Variants in CPS1 observed in about 807,000 individuals in gnomAD.
The protein encoded by CPS1 is carbamoyl-phosphate synthase [ammonia], mitochondrial.
Under a neutral mutation model 174.6 loss-of-function variants are expected in CPS1, and 109 were observed. That is an observed-to-expected ratio of 0.62 (90% CI 0.53 to 0.73). CPS1 has a LOEUF of 0.73. Ranked by LOEUF, CPS1 falls within the 30% of genes least tolerant of loss-of-function variation. CPS1 has a pLI of 0.00. For missense variants in CPS1, 1,689 were observed against 1,821.9 expected, an observed-to-expected ratio of 0.93 and a Z score of 1.33; for synonymous variants, 637 against 632.0, an observed-to-expected ratio of 1.01 and a Z score of -0.12.
intron 1 of CPS1, among the ~76,000 whole-genome samples, chr2:210,511,070 A>G (rs1695474272): frequency 6.6e-6 from 1 of 152,204 alleles, no homozygotes; most frequent in South Asian, 2.1e-4. Context: ...TGCTATAAAG[A>G]CACATGCACA....
At chr2:210,495,127 T>C (rs28391483) in intron 1 of CPS1, among the ~76,000 whole-genome samples, 26,119 of 152,188 alleles carry the variant, frequency 0.17, 2,478 homozygotes, top group Admixed American at 0.26. Context: ...GAAGCAGAAC[T>C]TAATTTTTTA....
At chr2:210,612,426 G>T in intron 20 of CPS1, 133 bp downstream of exon 20, 1 of 800,242 alleles carries the variant, frequency 1.2e-6, no homozygotes, top group East Asian at 2.7e-5. Context: ...TTCTTTTATA[G>T]TATTAAACTG....
chr2:210,561,593 G>A (rs984648075), intron 1 of CPS1, among the ~76,000 whole-genome samples: 10 of 152,166 alleles, frequency 6.6e-5, no homozygotes, highest in African/African-American at 2.4e-4. Context: ...GGGCATGCTA[G>A]AATTCACTTC....
chr2:210,528,022 C>T (rs1450311972), intron 1 of CPS1, among the ~76,000 whole-genome samples: 2 of 151,932 alleles, frequency 1.3e-5, no homozygotes, highest in Non-Finnish European at 2.9e-5. Context: ...GTATGAGGTT[C>T]GCAGTAACCG....
intron 19 of CPS1, 103 bp downstream of exon 19, chr2:210,608,662 T>A (rs1473998688): frequency 5.5e-6 from 6 of 1,081,430 alleles, no homozygotes; most frequent in Middle Eastern, 2.3e-4. Flanking sequence ...CATCAACACA[T>A]GGACAGTGTT....
At chr2:210,643,398 A>G (rs1700285530) in intron 25 of CPS1, among the ~76,000 whole-genome samples, 2 of 152,150 alleles carry the variant, frequency 1.3e-5, no homozygotes, top group Admixed American at 6.6e-5. Flanking sequence ...AGTTATTATT[A>G]CTTTTTACCA....
intron 25 of CPS1, 22 bp from the exon 26 acceptor site, chr2:210,647,841 A>G: frequency 6.2e-7 from 1 of 1,613,186 alleles, no homozygotes; most frequent in Non-Finnish European, 8.5e-7. Context: ...CCAATGGCTG[A>G]TATTGTGAGT....
Position 210,648,500 on chromosome 2 carries a change from G to C in CPS1, c.3364G>C (p.Val1122Leu). Reference protein sequence around the residue: ...LNEALEFAKSVDYPCLLRPSY... With the variant: ...LNEALEFAKSLDYPCLLRPSY... ...TGAAGCACTGGAATTTGCAAAGTCTGTGGACTACCCCTGCTTGTTGAGGCC... is the reference window on the plus strand; with the variant it reads ...TGAAGCACTGGAATTTGCAAAGTCTCTGGACTACCCCTGCTTGTTGAGGCC... The change falls in exon 27 of 38, where the codon GTG becomes CTG. Residue 1122 changes from valine to leucine, a missense_variant. Coordinates refer to ENST00000233072, the MANE Select transcript of CPS1 (RefSeq NM_001875.5). The C allele has an allele frequency of 6.2e-7, 1 of 1,613,588 alleles. No homozygotes were observed. The highest frequency in any genetic ancestry group is 8.5e-7 in the Non-Finnish European group (1 of 1,179,704).
At chr2:210,666,662 C>G (rs1465287952) in intron 33 of CPS1, among the ~76,000 whole-genome samples, 3 of 152,106 alleles carry the variant, frequency 2.0e-5, no homozygotes, top group Admixed American at 2.0e-4. Flanking sequence ...TTTCTGAGGG[C>G]TCTGTTCCGT....
At chr2:210,598,751 AC>A in intron 13 of CPS1, among the ~76,000 whole-genome samples, 1 of 152,034 alleles carries the variant, frequency 6.6e-6, no homozygotes, top group Non-Finnish European at 1.5e-5. Flanking sequence ...TTAGACTCCC[AC>A]ACAATAATAG....
intron 1 of CPS1, among the ~76,000 whole-genome samples, chr2:210,507,883 C>T (rs1320716499): frequency 1.3e-5 from 2 of 150,672 alleles, no homozygotes; most frequent in African/African-American, 4.8e-5. Context: ...TAAAGCAAGT[C>T]CTTAGAGACC....
At chr2:210,536,988 A>AT (rs1696272931) in intron 1 of CPS1, among the ~76,000 whole-genome samples, 1 of 152,246 alleles carries the variant, frequency 6.6e-6, no homozygotes, top group African/African-American at 2.4e-5. Flanking sequence ...ATGAATTTAT[A>AT]TCATATTCAT....
rs149228222 is a variant in CPS1 at position 210,593,941 on chromosome 2, A to G, written c.1165-567A>G. Among the ~76,000 whole-genome samples the G allele has an allele frequency of 3.7e-3, 561 of 152,034 alleles. 6 individuals carry two copies. The highest frequency in any genetic ancestry group is 0.012 in the African/African-American group (508 of 41,522). ...GCATATATTAGTACTTCGGATTAGGAACATTGCAATTAAGATGTAATAATA... is the reference window on the plus strand; with the variant it reads ...GCATATATTAGTACTTCGGATTAGGGACATTGCAATTAAGATGTAATAATA... On this transcript the variant is annotated intron_variant, in intron 11 of 37. Coordinates refer to ENST00000233072, the MANE Select transcript of CPS1 (RefSeq NM_001875.5).
In CPS1 at chr2:210,525,796, A is replaced by G. The variant is rs200043316; in HGVS notation, c.4-30923A>G. ...GGAGTAGGAGTAGTACATTCCAAGC[A>G]AAGTAAAATGGAGAGAGAGAGAGAG... On this transcript the variant is annotated intron_variant, in intron 1 of 38. Transcript: ENST00000430249. Among the ~76,000 whole-genome samples, 450 of 141,426 alleles carry G rather than the reference A, an allele frequency of 3.2e-3. 3 individuals carry two copies. Among genetic ancestry groups the G allele is most frequent in the Non-Finnish European group, 5.3e-3 (347 of 65,516 alleles). 92.8% of individuals were successfully genotyped at this position (141,426 alleles called of 152,430 possible). A position where few individuals can be genotyped will look rare whatever the true frequency, so the allele number is the denominator to read the frequency against.
intron 25 of CPS1, among the ~76,000 whole-genome samples, chr2:210,645,711 A>C (rs1380375118): frequency 6.6e-6 from 1 of 152,186 alleles, no homozygotes; most frequent in African/African-American, 2.4e-5. Context: ...TGAACCTGGG[A>C]GGCGGAGATT....
intron 6 of CPS1, among the ~76,000 whole-genome samples, chr2:210,583,510 G>GT (rs1430075960): frequency 6.6e-6 from 1 of 152,132 alleles, no homozygotes; most frequent in Non-Finnish European, 1.5e-5. Flanking sequence ...CTGTAGAAAT[G>GT]TGAGTCCTGT....
At chr2:210,549,716 T>C (rs1029821408) in intron 1 of CPS1, among the ~76,000 whole-genome samples, 44 of 152,166 alleles carry the variant, frequency 2.9e-4, no homozygotes, top group African/African-American at 9.6e-4. Flanking sequence ...TAGAAAATAA[T>C]TTTGAAGATT....
At chr2:210,531,375 T>C (rs1483519346) in intron 1 of CPS1, among the ~76,000 whole-genome samples, 2 of 152,176 alleles carry the variant, frequency 1.3e-5, no homozygotes, top group Non-Finnish European at 2.9e-5. Flanking sequence ...TGTCAAGTGA[T>C]TTACTAGTTA....
At chr2:210,610,303 A>G (rs1298609333) in intron 19 of CPS1, among the ~76,000 whole-genome samples, 1 of 151,978 alleles carries the variant, frequency 6.6e-6, no homozygotes, top group Non-Finnish European at 1.5e-5. Context: ...GTTGTCAAAC[A>G]AAAAATAAAA....
Sources: allele counts gnomAD v4.1 joint callset (sites outside exome capture counted in the v4.1 genomes callset), GRCh38; gene constraint gnomAD v4.1.1; transcripts MANE v1.5; gene names NCBI Gene and HGNC (gene_info 2026-07-23, HGNC 2026-07-21).